The following ADGRB3 variants were observed in gnomAD, a reference collection of about 807,000 sequenced individuals.
ADGRB3 encodes brain-specific angiogenesis inhibitor 3.
Under a neutral mutation model 193.4 loss-of-function variants are expected in ADGRB3, and 37 were observed. The observed-to-expected ratio is 0.19, with a 90% confidence interval of 0.15 to 0.25. The LOEUF (loss-of-function observed/expected upper bound fraction) is 0.25. Among genes scored for constraint, ADGRB3 ranks in the 10% least tolerant of loss-of-function variants. The probability of loss-of-function intolerance (pLI) is 1.00; values close to 1 mark genes in which losing one functional copy is unlikely to be tolerated. For synonymous variants in ADGRB3, 690 were observed against 644.2 expected, an observed-to-expected ratio of 1.07 and a Z score of -1.08; for missense variants, 1,637 against 1,852.9, an observed-to-expected ratio of 0.88 and a Z score of 2.14.
intron 26 of ADGRB3, among the ~76,000 whole-genome samples, chr6:69,341,692 T>A (rs1199646519): frequency 6.6e-6 from 1 of 152,144 alleles, no homozygotes; most frequent in African/African-American, 2.4e-5. Flanking sequence ...TAGCTTATGT[T>A]CTCCAACTAT....
intron 8 of ADGRB3, among the ~76,000 whole-genome samples, chr6:68,964,749 G>A (rs1277366100): frequency 6.6e-6 from 1 of 152,136 alleles, no homozygotes; most frequent in Non-Finnish European, 1.5e-5. Context: ...ATTTGCTTAT[G>A]AGTAAGTATA....
At chr6:69,213,776 A>G (rs1481418171) in intron 17 of ADGRB3, among the ~76,000 whole-genome samples, 4 of 152,176 alleles carry the variant, frequency 2.6e-5, no homozygotes, top group African/African-American at 9.7e-5. Flanking sequence ...GCTAGATTAG[A>G]TAGATGGATC....
At chr6:68,921,256 T>TA (rs1427183010) in intron 3 of ADGRB3, among the ~76,000 whole-genome samples, 2 of 152,192 alleles carry the variant, frequency 1.3e-5, no homozygotes, top group African/African-American at 4.8e-5. Context: ...CTATATATGT[T>TA]ATGTAAAAGA....
chr6:69,209,119 T>C (rs1765601917), intron 17 of ADGRB3, among the ~76,000 whole-genome samples: 1 of 152,200 alleles, frequency 6.6e-6, no homozygotes, highest in Non-Finnish European at 1.5e-5. Context: ...CCATTGGATC[T>C]GCTGGCTCGT....
intron 13 of ADGRB3, among the ~76,000 whole-genome samples, chr6:69,026,625 A>C (rs1458176379): frequency 6.6e-6 from 1 of 152,308 alleles, no homozygotes; most frequent in East Asian, 1.9e-4. Context: ...GCATCCTTAG[A>C]CTATTTTGTT....
rs143605554 is a variant in ADGRB3, at chr6:68,778,749, C to G, written c.757+139317C>G. ...ATACCAGAACTATATACTTATATAT[C>G]CAAAATACTACCTCTCTCCAGTCCC... On this transcript the variant is annotated intron_variant, in intron 3 of 31. Coordinates refer to ENST00000370598, the MANE Select transcript of ADGRB3 (RefSeq NM_001704.3). Among the ~76,000 whole-genome samples the G allele has an allele frequency of 4.6e-3, 702 of 152,166 alleles. 6 individuals carry two copies. Among genetic ancestry groups the G allele is most frequent in the African/African-American group, 0.016 (665 of 41,522 alleles).
intron 3 of ADGRB3, among the ~76,000 whole-genome samples, chr6:68,719,503 TAA>T (rs1374468183): frequency 2.6e-5 from 4 of 151,794 alleles, no homozygotes; most frequent in Non-Finnish European, 5.9e-5. Context: ...TAAATTAATT[TAA>T]GTCATATTAT....
At chr6:68,955,681 A>C (rs559088033) in intron 6 of ADGRB3, among the ~76,000 whole-genome samples, 4 of 151,950 alleles carry the variant, frequency 2.6e-5, no homozygotes, top group Non-Finnish European at 5.9e-5. Context: ...AATTCCAACT[A>C]CTCAGGAGGC....
At chr6:68,722,840 A>G (rs996213420) in intron 3 of ADGRB3, among the ~76,000 whole-genome samples, 1 of 151,652 alleles carries the variant, frequency 6.6e-6, no homozygotes. Context: ...TAATTATTAT[A>G]TAGGGTAATG....
At chr6:69,174,452 A>G (rs1775370226) in intron 17 of ADGRB3, among the ~76,000 whole-genome samples, 1 of 152,218 alleles carries the variant, frequency 6.6e-6, no homozygotes, top group Non-Finnish European at 1.5e-5. Context: ...TTGTGGCAGA[A>G]TAGTATTCCA....
chr6:68,673,479 T>A (rs1241664578), intron 3 of ADGRB3, among the ~76,000 whole-genome samples: 2 of 152,162 alleles, frequency 1.3e-5, no homozygotes, highest in Non-Finnish European at 2.9e-5. Context: ...CAGATTATCT[T>A]GCTACCTGCT....
intron 17 of ADGRB3, among the ~76,000 whole-genome samples, chr6:69,152,917 G>A (rs1414810023): frequency 6.6e-6 from 1 of 152,090 alleles, no homozygotes; most frequent in Non-Finnish European, 1.5e-5. Context: ...TGAGGATCCT[G>A]GAACTGCATT....
At chr6:68,839,909 C>A (rs1768118190) in intron 3 of ADGRB3, among the ~76,000 whole-genome samples, 1 of 152,014 alleles carries the variant, frequency 6.6e-6, no homozygotes, top group African/African-American at 2.4e-5. Context: ...GGAGGGAGAG[C>A]ACAGTGATTG....
intron 13 of ADGRB3, among the ~76,000 whole-genome samples, chr6:69,046,718 A>G (rs1309775597): frequency 5.9e-5 from 9 of 152,250 alleles, no homozygotes; most frequent in Non-Finnish European, 1.5e-5. Context: ...AATGTGATAT[A>G]CTAATACATA....
rs747200598 is a variant in ADGRB3, at chr6:69,354,218, T to C, written c.3460-15T>C. ...TTAAGAGAGAAGAAAATTAATGTGT[T>C]CCCCCTCCCCACAGGTTCAGGATGC... is the stretch of plus-strand genomic sequence containing the variant. On this transcript the variant is annotated splice_polypyrimidine_tract_variant and intron_variant, in intron 26 of 31. Coordinates refer to ENST00000370598, the MANE Select transcript of ADGRB3 (RefSeq NM_001704.3). The C allele has an allele frequency of 6.3e-7, 1 of 1,591,800 alleles. No homozygotes were observed. The highest frequency in any genetic ancestry group is 8.6e-7 in the Non-Finnish European group (1 of 1,160,016).
chr6:68,649,773 A>G (rs910820635), intron 3 of ADGRB3, among the ~76,000 whole-genome samples: 3 of 152,184 alleles, frequency 2.0e-5, no homozygotes, highest in Non-Finnish European at 4.4e-5. Context: ...GAAATGAGCA[A>G]AGTCAGGGTG....
Position 69,307,946 on chromosome 6 carries a change from C to T in ADGRB3, c.2815-16926C>T, listed in dbSNP as rs562924042. ...AAAACTCAAGAGTAAATTCTGGTGA[C>T]AATGTTATACCTAGACAACATGAAG... On this transcript the variant is annotated intron_variant, in intron 20 of 31. Coordinates refer to ENST00000370598, the MANE Select transcript of ADGRB3 (RefSeq NM_001704.3). Among the ~76,000 whole-genome samples, 19 of 151,496 alleles carry T rather than the reference C, an allele frequency of 1.3e-4. No individual in the cohort carries two copies. The South Asian group carries it at 3.1e-3, about 25-fold the overall frequency.
chr6:69,377,929 G>T (rs1475142941), intron 30 of ADGRB3, among the ~76,000 whole-genome samples: 2 of 152,086 alleles, frequency 1.3e-5, no homozygotes, highest in Non-Finnish European at 2.9e-5. Flanking sequence ...GTTGGGACAA[G>T]TAAATGAGCC....
chr6:69,293,308 G>A (rs1359824505), intron 20 of ADGRB3, among the ~76,000 whole-genome samples: 2 of 152,068 alleles, frequency 1.3e-5, no homozygotes, highest in African/African-American at 4.8e-5. Flanking sequence ...GGAGTGGAGG[G>A]GAGGGTAGAG....
Sources: allele counts gnomAD v4.1 joint callset (sites outside exome capture counted in the v4.1 genomes callset), GRCh38; gene constraint gnomAD v4.1.1; transcripts MANE v1.5; gene names NCBI Gene and HGNC (gene_info 2026-07-23, HGNC 2026-07-21).